The following MARCHF8 variants were observed in gnomAD, a reference collection of about 807,000 sequenced individuals.
The protein encoded by MARCHF8 is membrane associated ring-CH-type finger 8.
In MARCHF8, 40 loss-of-function variants were observed where a neutral mutation model predicts 51.6. The ratio of observed to expected loss-of-function variants is 0.77; its 90% CI spans 0.60 to 1.01. The LOEUF (loss-of-function observed/expected upper bound fraction) is 1.01, where lower values mean the gene tolerates loss of function less well. Ranked by LOEUF, MARCHF8 falls within the 50% of genes least tolerant of loss-of-function variation. MARCHF8 has a pLI of 0.00. For synonymous variants in MARCHF8, 263 were observed against 280.3 expected (o/e 0.94, Z 0.62); for missense variants, 685 against 708.6 (o/e 0.97, Z 0.38).
intron 1 of MARCHF8, among the ~76,000 whole-genome samples, chr10:45,543,050 T>G (rs187462504): frequency 1.3e-5 from 2 of 152,230 alleles, no homozygotes; most frequent in African/African-American, 2.4e-5. Flanking sequence ...AACTACAATC[T>G]GGCTTCAGTA....
At chr10:45,464,195 C>G (rs771356132) in intron 4 of MARCHF8, 44 bp downstream of exon 4, 2 of 1,593,790 alleles carry the variant, frequency 1.3e-6, no homozygotes, top group East Asian at 4.5e-5. Context: ...ATGCTTATTT[C>G]TGGCTGCACA....
chr10:45,478,925 A>C (rs911006077), intron 3 of MARCHF8, among the ~76,000 whole-genome samples: 1 of 152,212 alleles, frequency 6.6e-6, no homozygotes, highest in African/African-American at 2.4e-5. Context: ...AATTCTACCA[A>C]ACTTTCAAAG....
chr10:45,569,814 G>C (rs2044408516), intron 1 of MARCHF8, among the ~76,000 whole-genome samples: 1 of 152,104 alleles, frequency 6.6e-6, no homozygotes, highest in African/African-American at 2.4e-5. Context: ...GTATCAAGGA[G>C]ACTAAATATT....
intron 2 of MARCHF8, among the ~76,000 whole-genome samples, chr10:45,531,002 T>C (rs1391028975): frequency 1.3e-5 from 2 of 152,144 alleles, no homozygotes; most frequent in Non-Finnish European, 2.9e-5. Context: ...AAAAACACAC[T>C]AGACGGAATT....
At chr10:45,554,267 GACAAAGATAAA>G (rs2044228186) in intron 1 of MARCHF8, among the ~76,000 whole-genome samples, 1 of 152,106 alleles carries the variant, frequency 6.6e-6, no homozygotes, top group South Asian at 2.1e-4. Context: ...TTTAGCATGA[GACAAAGATAAA>G]ATTAAAGAAA....
At chr10:45,539,502 AC>A (rs1275195741), upstream of MARCHF8, among the ~76,000 whole-genome samples, 1 of 152,180 alleles carries the variant, frequency 6.6e-6, no homozygotes, top group Admixed American at 6.5e-5. Context: ...GACACAAAAG[AC>A]CCTTCAAAAT....
chr10:45,521,187 G>A (rs2043699573), intron 2 of MARCHF8, among the ~76,000 whole-genome samples: 1 of 152,106 alleles, frequency 6.6e-6, no homozygotes, highest in African/African-American at 2.4e-5. Flanking sequence ...ATCTACCTAT[G>A]ATATATCTGA....
intron 3 of MARCHF8, among the ~76,000 whole-genome samples, chr10:45,475,708 C>T (rs34081552): frequency 0.062 from 9,432 of 152,212 alleles, 331 homozygotes; most frequent in Non-Finnish European, 0.067. Context: ...AATTCACCCA[C>T]CCACCCAGTT....
intron 2 of MARCHF8, among the ~76,000 whole-genome samples, chr10:45,521,267 G>A (rs2043700813): frequency 6.6e-6 from 1 of 152,180 alleles, no homozygotes; most frequent in South Asian, 2.1e-4. Context: ...AAACTGCCTA[G>A]GCAGGTATAC....
At chr10:45,594,677 C>T (rs1372554590) in exon 1 of MARCHF8, 1 of 151,564 alleles carries the variant, frequency 6.6e-6, no homozygotes, top group Non-Finnish European at 1.5e-5. Flanking sequence ...ACCCCCTGCC[C>T]GGGCCGGGGG....
chr10:45,559,384 C>T (rs906685377), intron 1 of MARCHF8, among the ~76,000 whole-genome samples: 2 of 152,124 alleles, frequency 1.3e-5, no homozygotes, highest in Admixed American at 6.5e-5. Context: ...TTTTTTGAGA[C>T]GGAGTCTCAC....
chr10:45,528,834 A>G (rs773832427), intron 2 of MARCHF8, among the ~76,000 whole-genome samples: 2 of 152,250 alleles, frequency 1.3e-5, no homozygotes, highest in Non-Finnish European at 2.9e-5. Context: ...GACGAAAGAA[A>G]TCACATATGA....
Position 45,463,400 on chromosome 10 carries a change from A to G in MARCHF8, c.839T>C (p.Leu280Pro). ...SASSLHRFHELESCAARLHTA... is the reference protein window; with the variant it reads ...SASSLHRFHEPESCAARLHTA... ...GTGCAGGCGAGCAGCGCAGCTCTCC[A>G]GCTCATGGAACCTGTGCAGGCTGCT... The change falls in exon 5 of 8, where the codon CTG (leucine) becomes CCG (proline). Residue 280 changes from leucine to proline, a missense_variant. By Grantham distance (98) the Leu-to-Pro change is moderately conservative. Transcript: ENST00000453424. 1 of 1,550,654 alleles carries G rather than the reference A, an allele frequency of 6.4e-7. No individual in the cohort carries two copies. Among genetic ancestry groups the G allele is most frequent in the Non-Finnish European group, 8.7e-7 (1 of 1,147,000 alleles).
At chr10:45,533,055 CTTTAATAAAAA>C (rs766960475) in intron 2 of MARCHF8, 44 bp downstream of exon 2, 274 of 1,424,852 alleles carry the variant, frequency 1.9e-4, no homozygotes, top group Admixed American at 3.7e-4. Flanking sequence ...TCTAGGTCAT[CTTTAATAAAAA>C]TTTAATAAAA....
intron 3 of MARCHF8, among the ~76,000 whole-genome samples, chr10:45,487,647 ATT>A (rs1191134466): frequency 6.6e-6 from 1 of 152,216 alleles, no homozygotes. Flanking sequence ...GGGAAAAAAT[ATT>A]TTGTGAAAGG....
At chr10:45,476,821 AG>A (rs2042795306) in intron 3 of MARCHF8, among the ~76,000 whole-genome samples, 1 of 152,226 alleles carries the variant, frequency 6.6e-6, no homozygotes, top group Non-Finnish European at 1.5e-5. Flanking sequence ...AATTTAAAAA[AG>A]GAATAGAAAA....
At chr10:45,554,872 T>G (rs560365705) in intron 1 of MARCHF8, among the ~76,000 whole-genome samples, 2 of 152,156 alleles carry the variant, frequency 1.3e-5, no homozygotes, top group South Asian at 2.1e-4. Flanking sequence ...CTGGCCGATG[T>G]GATAAAACCC....
chr10:45,498,466 T>G (rs2043215261), intron 2 of MARCHF8, among the ~76,000 whole-genome samples: 1 of 151,246 alleles, frequency 6.6e-6, no homozygotes, highest in Admixed American at 6.7e-5. Flanking sequence ...TCCTCCGTGT[T>G]GTAGCATGTG....
At chr10:45,516,996 C>T (rs2043630614) in intron 2 of MARCHF8, among the ~76,000 whole-genome samples, 3 of 152,146 alleles carry the variant, frequency 2.0e-5, no homozygotes, top group Admixed American at 2.0e-4. Context: ...GCCAGGCTCA[C>T]CCTTTGGCCT....
Sources: allele counts gnomAD v4.1 joint callset (sites outside exome capture counted in the v4.1 genomes callset), GRCh38; gene constraint gnomAD v4.1.1; transcripts MANE v1.5; gene names NCBI Gene and HGNC (gene_info 2026-07-23, HGNC 2026-07-21).